The following FSTL4 variants were observed in gnomAD, a reference collection of about 807,000 sequenced individuals.
FSTL4 encodes follistatin-related protein 4.
FSTL4 carries 28 observed loss-of-function variants against 78.2 expected under a neutral mutation model. The observed-to-expected ratio is 0.36, with a 90% CI of 0.27 to 0.49. The LOEUF (loss-of-function observed/expected upper bound fraction) is 0.49. FSTL4 is among the 20% of genes least tolerant of loss of function. The pLI is 0.98. For missense variants in FSTL4, 922 were observed against 1,084.9 expected (o/e 0.85, Z 2.11); for synonymous variants, 422 against 440.5 (o/e 0.96, Z 0.53).
chr5:133,788,417 C>G, the FSTL4 span, among the ~76,000 whole-genome samples: 1 of 152,226 alleles, frequency 6.6e-6, no homozygotes, highest in South Asian at 2.1e-4. Context: ...GTGAGGCTCA[C>G]ACGAGGCCTA....
chr5:133,535,581 C>T lies in FSTL4; in HGVS notation c.160+31605G>A, dbSNP rs934029874. Among the ~76,000 whole-genome samples the T allele has an allele frequency of 5.3e-5, 8 of 152,314 alleles. No homozygotes were observed. In the East Asian group the frequency reaches 1.2e-3, roughly 22 times the overall value. ...ATGACTGGTTTGCTGTTAATAAATA[C>T]GTGGGTAAATCTCTGTTCAGGGCTC... On this transcript the variant is annotated intron_variant, in intron 3 of 15. Transcript: ENST00000265342.
At position 133,251,214 on chromosome 5, in the gene FSTL4, T is replaced by C. The variant is rs149048369; in HGVS notation, c.728-1638A>G. ...AGAGGGGAAAGAGAGAGAATGAGAA[T>C]TTGCTAAAATGGTTTAGCTCCCACC... On this transcript the variant is annotated intron_variant, in intron 6 of 15. Transcript: ENST00000265342. Among the ~76,000 whole-genome samples the C allele has an allele frequency of 1.4e-3, 211 of 152,240 alleles. 2 individuals carry two copies. Among genetic ancestry groups the C allele is most frequent in the Non-Finnish European group, 2.6e-3 (177 of 68,012 alleles).
At chr5:133,680,434 TC>T in the FSTL4 span, among the ~76,000 whole-genome samples, 937 of 152,242 alleles carry the variant, frequency 6.2e-3, 7 homozygotes, top group Middle Eastern at 0.034. Context: ...TCCAGCCCAC[TC>T]TCATACCCCC....
intron 3 of FSTL4, among the ~76,000 whole-genome samples, chr5:133,558,853 A>G (rs1759854282): frequency 6.6e-6 from 1 of 152,144 alleles, no homozygotes; most frequent in Non-Finnish European, 1.5e-5. Context: ...GCCACAGGAG[A>G]GAAATGGGCC....
At chr5:133,311,354 G>A (rs1050511103) in intron 6 of FSTL4, among the ~76,000 whole-genome samples, 11 of 152,196 alleles carry the variant, frequency 7.2e-5, no homozygotes, top group East Asian at 1.9e-4. Flanking sequence ...GGAGGATGAC[G>A]GGGACCCTGC....
intron 4 of FSTL4, among the ~76,000 whole-genome samples, chr5:133,363,869 C>T (rs902895910): frequency 2.4e-4 from 36 of 152,326 alleles, no homozygotes; most frequent in African/African-American, 7.7e-4. Flanking sequence ...TGTGCAGGCC[C>T]TCTCACCGCT....
At chr5:133,428,283 G>A (rs537404175) in intron 3 of FSTL4, among the ~76,000 whole-genome samples, 3 of 152,250 alleles carry the variant, frequency 2.0e-5, no homozygotes, top group South Asian at 4.1e-4. Context: ...TACGCATCAT[G>A]GCAGAAGTAG....
At chr5:133,769,731 T>A in the FSTL4 span, among the ~76,000 whole-genome samples, 4 of 152,030 alleles carry the variant, frequency 2.6e-5, no homozygotes, top group Non-Finnish European at 5.9e-5. Context: ...ATTTAGGAGG[T>A]ACAAGTACAG....
Position 133,197,759 on chromosome 5 carries a change from T to G in FSTL4, c.*1336A>C, listed in dbSNP as rs1176173093. On this transcript the variant is annotated 3_prime_UTR_variant, in exon 16 of 16. Transcript: ENST00000265342. ...CCAGGACACATGTAAGTTCCACTCATATGTGGGAGAGGGAAGGCGAGCCTG... is the reference window on the plus strand; with the variant it reads ...CCAGGACACATGTAAGTTCCACTCAGATGTGGGAGAGGGAAGGCGAGCCTG... 1 of 152,116 alleles carries G rather than the reference T, an allele frequency of 6.6e-6. No individual in the cohort carries two copies. Among genetic ancestry groups the G allele is most frequent in the African/African-American group, 2.4e-5 (1 of 41,394 alleles). The allele number at this position is 152,116 out of a possible 1,614,324, so 9.4% of individuals were successfully genotyped here. A position where few individuals can be genotyped will look rare whatever the true frequency, so the allele number is the denominator to read the frequency against.
intron 6 of FSTL4, among the ~76,000 whole-genome samples, chr5:133,298,495 G>T (rs1001615841): frequency 1.3e-5 from 2 of 152,238 alleles, no homozygotes; most frequent in Admixed American, 1.3e-4. Flanking sequence ...CCAGGGCTCA[G>T]TCCAGAACTT....
At position 133,611,931 on chromosome 5, in the gene FSTL4, C is replaced by T. The variant is rs1761104855; in HGVS notation, c.-11+394G>A. ...GGCTCCGCCGGGGCCGCTCGGGGTCCTGAACCCAAGAACGGCGCCTGCAGG... is the reference window on the plus strand; with the variant it reads ...GGCTCCGCCGGGGCCGCTCGGGGTCTTGAACCCAAGAACGGCGCCTGCAGG... On this transcript the variant is annotated intron_variant, in intron 1 of 15. Transcript: ENST00000265342. The surrounding 1 kb of genome is among the most constrained non-coding windows in gnomAD (Gnocchi z 4.9). 6.6e-6 allele frequency among the ~76,000 whole-genome samples: 1 copy of T among 152,072 alleles called. No individual in the cohort carries two copies. Among genetic ancestry groups the T allele is most frequent in the Non-Finnish European group, 1.5e-5 (1 of 67,980 alleles).
At chr5:133,655,822 A>G in the FSTL4 span, among the ~76,000 whole-genome samples, 1 of 152,186 alleles carries the variant, frequency 6.6e-6, no homozygotes, top group Non-Finnish European at 1.5e-5. Flanking sequence ...GTCAGGCTGT[A>G]TTCCAAGTGC....
intron 3 of FSTL4, among the ~76,000 whole-genome samples, chr5:133,551,862 G>A (rs1460675199): frequency 6.6e-6 from 1 of 152,180 alleles, no homozygotes; most frequent in African/African-American, 2.4e-5. Context: ...TGTCTTAAAT[G>A]CTTAAAGCAA....
At chr5:133,270,768 C>CTCTA (rs1330972012) in intron 6 of FSTL4, among the ~76,000 whole-genome samples, 6 of 152,174 alleles carry the variant, frequency 3.9e-5, no homozygotes. Flanking sequence ...GTCACCCCTA[C>CTCTA]TCTATGCTCT....
the FSTL4 span, among the ~76,000 whole-genome samples, chr5:133,808,954 C>T: frequency 1.1e-4 from 16 of 150,384 alleles, no homozygotes; most frequent in Non-Finnish European, 2.4e-4. Context: ...ACTGTCAGGA[C>T]GTGTGGTCAC....
chr5:133,561,834 C>T (rs1387527580), intron 3 of FSTL4, among the ~76,000 whole-genome samples: 1 of 152,166 alleles, frequency 6.6e-6, no homozygotes, highest in Non-Finnish European at 1.5e-5. Flanking sequence ...CAAAACTGGG[C>T]ACCAAATCAC....
chr5:133,553,875 G>C (rs1409951521), intron 3 of FSTL4, among the ~76,000 whole-genome samples: 1 of 152,200 alleles, frequency 6.6e-6, no homozygotes, highest in Non-Finnish European at 1.5e-5. Context: ...TACAGAGAAG[G>C]GAGAACCTGG....
Position 133,526,088 on chromosome 5 carries a change from A to G in FSTL4, c.160+41098T>C, listed in dbSNP as rs1461857333. Among the ~76,000 whole-genome samples the G allele has an allele frequency of 2.6e-5, 4 of 152,202 alleles. No individual in the cohort carries two copies. The East Asian group carries it at 5.8e-4, about 22-fold the overall frequency. On this transcript the variant is annotated intron_variant, in intron 3 of 15. Transcript: ENST00000265342. ...AGGAAAGCACGACTTTAACAGATGA[A>G]CAGCTTTGATACCTAGCACTGTGAT...
chr5:133,226,546 C>T (rs545200751), intron 8 of FSTL4, among the ~76,000 whole-genome samples: 4 of 152,352 alleles, frequency 2.6e-5, no homozygotes, highest in South Asian at 4.1e-4. Context: ...AGGACCCTCC[C>T]TCTTACCCCT....
Sources: allele counts gnomAD v4.1 joint callset (sites outside exome capture counted in the v4.1 genomes callset), GRCh38; gene constraint gnomAD v4.1.1; non-coding constraint Gnocchi (gnomAD v3.1); transcripts MANE v1.5; gene names NCBI Gene and HGNC (gene_info 2026-07-23, HGNC 2026-07-21).